LRP1B: variants seen among roughly 807,000 people sequenced by gnomAD.
LRP1B encodes the protein low-density lipoprotein receptor-related protein 1B.
A neutral mutation model predicts 556.6 loss-of-function variants in LRP1B; 217 were observed. That is an observed-to-expected ratio of 0.39 (90% CI 0.35 to 0.44). The LOEUF (loss-of-function observed/expected upper bound fraction) is 0.44, where lower values mean the gene tolerates loss of function less well. Ranked by LOEUF, LRP1B falls within the 20% of genes least tolerant of loss-of-function variation. The pLI, the probability that LRP1B is intolerant of heterozygous loss-of-function variation, is 1.00. For missense variants in LRP1B, 5,053 were observed against 5,620.8 expected (o/e 0.90, Z 3.23); for synonymous variants, 2,047 against 1,865.8 (o/e 1.10, Z -2.50).
intron 7 of LRP1B, among the ~76,000 whole-genome samples, chr2:141,157,523 T>C (rs1364929999): frequency 6.6e-6 from 1 of 152,084 alleles, no homozygotes; most frequent in Non-Finnish European, 1.5e-5. Flanking sequence ...GGCCCATCTA[T>C]CATTTTTATA....
chr2:141,777,772 T>C (rs963628321), intron 2 of LRP1B, among the ~76,000 whole-genome samples: 1 of 152,166 alleles, frequency 6.6e-6, no homozygotes. Flanking sequence ...GAACCTTCCA[T>C]AATCTTACTG....
chr2:141,059,980 CT>C (rs1211137382), intron 8 of LRP1B, among the ~76,000 whole-genome samples: 1 of 151,782 alleles, frequency 6.6e-6, no homozygotes, highest in Non-Finnish European at 1.5e-5. Flanking sequence ...TCTGTCACTA[CT>C]TTCGGCATTA....
At chr2:141,925,885 A>G (rs950709303) in intron 1 of LRP1B, among the ~76,000 whole-genome samples, 3 of 152,178 alleles carry the variant, frequency 2.0e-5, no homozygotes, top group African/African-American at 4.8e-5. Flanking sequence ...TGGCCTTAGC[A>G]AAGTACTTAA....
chr2:140,881,556 A>C (rs1175590338), intron 25 of LRP1B, among the ~76,000 whole-genome samples: 1 of 145,364 alleles, frequency 6.9e-6, no homozygotes, highest in Non-Finnish European at 1.5e-5. Context: ...TCCAGTTAAC[A>C]CTTAGAGTTT....
chr2:141,977,158 C>A (rs543814406), intron 1 of LRP1B, among the ~76,000 whole-genome samples: 99 of 151,758 alleles, frequency 6.5e-4, no homozygotes, highest in African/African-American at 2.3e-3. Context: ...TTTTTTTGAT[C>A]TTTTGGAGAG....
chr2:141,528,455 A>G (rs1241986610), intron 2 of LRP1B, among the ~76,000 whole-genome samples: 1 of 152,148 alleles, frequency 6.6e-6, no homozygotes, highest in African/African-American at 2.4e-5. Flanking sequence ...TAAAATAGAT[A>G]TAAGAAAGCC....
chr2:141,256,319 C>T (rs964323927), intron 3 of LRP1B, among the ~76,000 whole-genome samples: 6 of 151,718 alleles, frequency 4.0e-5, no homozygotes, highest in Admixed American at 2.0e-4. Flanking sequence ...ATGCAAGAAA[C>T]ACAGGCAACA....
Position 141,913,410 on chromosome 2 carries a change from G to A in LRP1B, c.83-103009C>T, listed in dbSNP as rs372087948. ...TCTTTTCTTACTCTAAAAATCTATAGGGAGATCCTTCCCACTCTCCATTAC... is the reference window on the plus strand; with the variant it reads ...TCTTTTCTTACTCTAAAAATCTATAAGGAGATCCTTCCCACTCTCCATTAC... On this transcript the variant is annotated intron_variant, in intron 1 of 90. Transcript: ENST00000389484. Among the ~76,000 whole-genome samples the A allele has an allele frequency of 1.1e-4, 16 of 152,164 alleles. No homozygotes were observed. In the South Asian group the frequency reaches 3.3e-3, roughly 32 times the overall value.
At chr2:141,160,787 A>G (rs1225883470) in intron 7 of LRP1B, among the ~76,000 whole-genome samples, 1 of 152,032 alleles carries the variant, frequency 6.6e-6, no homozygotes, top group Non-Finnish European at 1.5e-5. Context: ...GAAATATGAG[A>G]ATTTTTTTGT....
intron 31 of LRP1B, among the ~76,000 whole-genome samples, chr2:140,828,392 G>A (rs1203510341): frequency 1.3e-5 from 2 of 150,054 alleles, no homozygotes; most frequent in South Asian, 2.1e-4. Context: ...GGCGGATCAC[G>A]AGGTCAGGAG....
At chr2:141,297,128 C>T (rs1333914249) in intron 3 of LRP1B, among the ~76,000 whole-genome samples, 1 of 152,086 alleles carries the variant, frequency 6.6e-6, no homozygotes, top group Admixed American at 6.6e-5. Flanking sequence ...TAGGTTGATT[C>T]CATGTATTTG....
chr2:140,847,153 G>A (rs1184963577), intron 29 of LRP1B, among the ~76,000 whole-genome samples: 1 of 152,074 alleles, frequency 6.6e-6, no homozygotes, highest in Non-Finnish European at 1.5e-5. Flanking sequence ...TCTTACTAGA[G>A]CCACTGTAAC....
chr2:141,145,302 A>T (rs1389987975), intron 7 of LRP1B, among the ~76,000 whole-genome samples: 1 of 152,148 alleles, frequency 6.6e-6, no homozygotes, highest in Non-Finnish European at 1.5e-5. Context: ...TGTGCTAATT[A>T]TATCACAGAA....
chr2:141,291,701 A>C (rs1172807392), intron 3 of LRP1B, among the ~76,000 whole-genome samples: 1 of 151,798 alleles, frequency 6.6e-6, no homozygotes, highest in Non-Finnish European at 1.5e-5. Context: ...CTGAAAATAC[A>C]AAAAATTAGC....
intron 7 of LRP1B, among the ~76,000 whole-genome samples, chr2:141,096,679 A>AGAGAGAGAGGGAGAGAGAGAGAGAGAGG (rs1553459413): frequency 4.5e-5 from 4 of 88,510 alleles, no homozygotes; most frequent in East Asian, 5.5e-4. Context: ...AGAGAGAGAG[A>AGAGAGAGAGGGAGAGAGAGAGAGAGAGG]GAGAGAGAGA....
At chr2:140,602,157 T>C (rs1682698501) in intron 41 of LRP1B, among the ~76,000 whole-genome samples, 1 of 151,910 alleles carries the variant, frequency 6.6e-6, no homozygotes, top group African/African-American at 2.4e-5. Context: ...GATAATGTTT[T>C]AATAGGTTAA....
intron 1 of LRP1B, among the ~76,000 whole-genome samples, chr2:141,948,957 C>T (rs1701031506): frequency 6.6e-6 from 1 of 152,114 alleles, no homozygotes; most frequent in Admixed American, 6.6e-5. Context: ...ATAAATCACA[C>T]ACGCAAATAT....
intron 21 of LRP1B, 21 bp from the exon 22 acceptor site, chr2:140,908,098 G>A (rs2105232557): frequency 6.3e-7 from 1 of 1,595,686 alleles, no homozygotes; most frequent in Non-Finnish European, 8.6e-7. Context: ...CAGAAATAGT[G>A]TCAGTTTGAT....
At chr2:141,268,650 G>A (rs1430097782) in intron 3 of LRP1B, among the ~76,000 whole-genome samples, 1 of 152,096 alleles carries the variant, frequency 6.6e-6, no homozygotes, top group Non-Finnish European at 1.5e-5. Flanking sequence ...AAATGGGAGT[G>A]GAATGCGGTG....
Sources: gnomAD v4.1 joint callset for allele counts (sites outside exome capture counted in the v4.1 genomes callset) on GRCh38, gnomAD v4.1.1 for gene constraint, MANE v1.5 for transcripts, NCBI Gene and HGNC (gene_info 2026-07-23, HGNC 2026-07-21) for gene names.